PPP3CA: variants seen among roughly 807,000 people sequenced by gnomAD.
The protein encoded by PPP3CA is CAM-PRP catalytic subunit.
Under a neutral mutation model 66.5 loss-of-function variants are expected in PPP3CA, and 14 were observed. The ratio of observed to expected loss-of-function variants is 0.21; its 90% CI spans 0.14 to 0.33. The LOEUF (loss-of-function observed/expected upper bound fraction) is 0.33, where lower values mean the gene tolerates loss of function less well. Among genes scored for constraint, PPP3CA ranks in the 10% least tolerant of loss-of-function variants. The pLI is 1.00. For missense variants in PPP3CA, 317 were observed against 639.5 expected (o/e 0.50, Z 5.44); for synonymous variants, 232 against 226.2 (o/e 1.03, Z -0.23).
intron 1 of PPP3CA, among the ~76,000 whole-genome samples, chr4:101,215,590 G>GA (rs1328914306): frequency 4.0e-5 from 6 of 151,844 alleles, no homozygotes; most frequent in Non-Finnish European, 5.9e-5. Context: ...CTTTGGTACA[G>GA]AAAAAAACTA....
At chr4:101,308,331 C>A (rs538293517) in intron 1 of PPP3CA, among the ~76,000 whole-genome samples, 1 of 152,176 alleles carries the variant, frequency 6.6e-6, no homozygotes, top group Non-Finnish European at 1.5e-5. Context: ...AAAGGAGAAA[C>A]TTCTCTATGA....
chr4:101,226,823 T>C (rs1310597124), intron 1 of PPP3CA, among the ~76,000 whole-genome samples: 1 of 151,766 alleles, frequency 6.6e-6, no homozygotes, highest in Non-Finnish European at 1.5e-5. Context: ...GCATTCATGG[T>C]GTCTTCTAAT....
intron 1 of PPP3CA, among the ~76,000 whole-genome samples, chr4:101,236,539 T>C (rs1726137049): frequency 6.6e-6 from 1 of 151,970 alleles, no homozygotes. Context: ...TATCTCTCTC[T>C]ATGCTGTGTG....
At chr4:101,235,714 T>C (rs10009785) in intron 1 of PPP3CA, among the ~76,000 whole-genome samples, 101,623 of 151,618 alleles carry the variant, frequency 0.67, 34,961 homozygotes, top group Middle Eastern at 0.76. Flanking sequence ...AATCATTACT[T>C]ATTTGACAGT....
At chr4:101,176,848 T>C (rs1009438502) in intron 2 of PPP3CA, among the ~76,000 whole-genome samples, 1 of 152,066 alleles carries the variant, frequency 6.6e-6, no homozygotes, top group African/African-American at 2.4e-5. Context: ...AAAATATCAA[T>C]AGATATACGA....
At chr4:101,342,795 T>C (rs1729858163) in intron 1 of PPP3CA, among the ~76,000 whole-genome samples, 1 of 152,188 alleles carries the variant, frequency 6.6e-6, no homozygotes, top group African/African-American at 2.4e-5. Context: ...TACTACTCTG[T>C]TGCATCAAGG....
chr4:101,081,799 G>A (rs1729451302), intron 7 of PPP3CA, among the ~76,000 whole-genome samples: 1 of 152,092 alleles, frequency 6.6e-6, no homozygotes, highest in African/African-American at 2.4e-5. Context: ...CTTTTGAAAT[G>A]TTCTAAAAGT....
intron 1 of PPP3CA, among the ~76,000 whole-genome samples, chr4:101,276,978 CTAGGACCTGATATTTTCAAAATAT>C (rs34862763): frequency 0.65 from 98,350 of 150,918 alleles, 33,100 homozygotes; most frequent in Non-Finnish European, 0.75. Flanking sequence ...AGCATTATGG[CTAGGACCTGATATTTTCAAAATAT>C]TAGGACCTGA....
intron 3 of PPP3CA, among the ~76,000 whole-genome samples, chr4:101,103,006 T>C (rs1214838676): frequency 1.3e-5 from 2 of 152,082 alleles, no homozygotes; most frequent in Non-Finnish European, 2.9e-5. Context: ...GAGCATCCTC[T>C]ATTTTTAAAA....
At chr4:101,107,120 C>T (rs906921987) in intron 3 of PPP3CA, among the ~76,000 whole-genome samples, 2 of 152,182 alleles carry the variant, frequency 1.3e-5, no homozygotes, top group Non-Finnish European at 2.9e-5. Context: ...TAATTTCTTC[C>T]TCTGTACTTT....
intron 2 of PPP3CA, among the ~76,000 whole-genome samples, chr4:101,143,894 C>T (rs1256358047): frequency 6.6e-6 from 1 of 152,130 alleles, no homozygotes; most frequent in Non-Finnish European, 1.5e-5. Context: ...GAATCCATTG[C>T]CTTCTTGCCC....
chr4:101,065,789 C>T (rs1331292033), intron 8 of PPP3CA, among the ~76,000 whole-genome samples: 1 of 152,070 alleles, frequency 6.6e-6, no homozygotes, highest in Non-Finnish European at 1.5e-5. Context: ...CCAAAATACA[C>T]GTTTGAGTGA....
At chr4:101,083,584 G>A (rs919532342) in intron 6 of PPP3CA, among the ~76,000 whole-genome samples, 1 of 152,188 alleles carries the variant, frequency 6.6e-6, no homozygotes, top group African/African-American at 2.4e-5. Flanking sequence ...AAAGTGAACG[G>A]AGCATAACTA....
intron 1 of PPP3CA, among the ~76,000 whole-genome samples, chr4:101,234,550 T>C (rs1002039953): frequency 1.3e-5 from 2 of 151,792 alleles, no homozygotes; most frequent in African/African-American, 4.8e-5. Flanking sequence ...AAAGTGTCTG[T>C]TCATGTCCTT....
chr4:101,335,173 A>T (rs1269191381), intron 1 of PPP3CA, among the ~76,000 whole-genome samples: 1 of 152,138 alleles, frequency 6.6e-6, no homozygotes, highest in African/African-American at 2.4e-5. Context: ...CTGTGTTGAC[A>T]CCATAGTTGG....
intron 6 of PPP3CA, among the ~76,000 whole-genome samples, chr4:101,088,563 C>T (rs113159161): frequency 0.2 from 24,978 of 126,602 alleles, 2,906 homozygotes; most frequent in African/African-American, 0.35. Context: ...CCAGCCTGGG[C>T]GACAGAGCAA....
chr4:101,028,099 T>C (rs1457986154), intron 13 of PPP3CA, among the ~76,000 whole-genome samples: 1 of 152,188 alleles, frequency 6.6e-6, no homozygotes, highest in Non-Finnish European at 1.5e-5. Context: ...TCCCCTACCA[T>C]ATCCAAATCA....
chr4:101,099,461 T>C (rs543980211), intron 4 of PPP3CA, 150 bp downstream of exon 4: 2 of 397,862 alleles, frequency 5.0e-6, no homozygotes, highest in African/African-American at 2.1e-5. Flanking sequence ...TAAATGTCCA[T>C]GCTTAGAAAG....
chr4:101,322,652 C>T (rs1230728968), intron 1 of PPP3CA, among the ~76,000 whole-genome samples: 1 of 152,014 alleles, frequency 6.6e-6, no homozygotes, highest in East Asian at 1.9e-4. Flanking sequence ...TCAGGTGATC[C>T]GTCCGACCCA....
Sources: allele counts gnomAD v4.1 joint callset (sites outside exome capture counted in the v4.1 genomes callset), GRCh38; gene constraint gnomAD v4.1.1; transcripts MANE v1.5; gene names NCBI Gene and HGNC (gene_info 2026-07-23, HGNC 2026-07-21).